NPLOC4: variants seen among roughly 807,000 people sequenced by gnomAD.
The protein encoded by NPLOC4 is nuclear protein localization protein 4 homolog.
A neutral mutation model predicts 80.6 loss-of-function variants in NPLOC4; 18 were observed. The ratio of observed to expected loss-of-function variants is 0.22; its 90% CI spans 0.15 to 0.33. The LOEUF (loss-of-function observed/expected upper bound fraction) is 0.33. Ranked by LOEUF, NPLOC4 falls within the 10% of genes least tolerant of loss-of-function variation. The probability of loss-of-function intolerance (pLI) is 1.00; values close to 1 mark genes in which losing one functional copy is unlikely to be tolerated. For synonymous variants in NPLOC4, 313 were observed against 301.5 expected, an observed-to-expected ratio of 1.04 and a Z score of -0.39; for missense variants, 540 against 786.1, an observed-to-expected ratio of 0.69 and a Z score of 3.74.
intron 13 of NPLOC4, among the ~76,000 whole-genome samples, chr17:81,569,817 A>G (rs1481193411): frequency 6.6e-6 from 1 of 152,192 alleles, no homozygotes; most frequent in African/African-American, 2.4e-5. Context: ...TGCACCTAAG[A>G]TATAATCAAT....
chr17:81,565,106 C>T (rs2033970607), intron 16 of NPLOC4: 3 of 585,808 alleles, frequency 5.1e-6, no homozygotes, highest in Non-Finnish European at 9.1e-6. Context: ...GCAGGCTTCT[C>T]CTCCTTACAG....
chr17:81,636,062 T>A (rs755982435), intron 1 of NPLOC4, among the ~76,000 whole-genome samples: 2 of 151,078 alleles, frequency 1.3e-5, no homozygotes, highest in Admixed American at 6.6e-5. Flanking sequence ...AACCTCCACC[T>A]CCCGCGTTCA....
chr17:81,560,293 G>A (rs867918585), intron 16 of NPLOC4, among the ~76,000 whole-genome samples: 4 of 152,004 alleles, frequency 2.6e-5, no homozygotes, highest in African/African-American at 7.3e-5. Context: ...GACACCTGCC[G>A]TTCCGGCTAC....
chr17:81,598,406 T>TAA (rs1030272894), intron 9 of NPLOC4, among the ~76,000 whole-genome samples: 2 of 152,040 alleles, frequency 1.3e-5, no homozygotes, highest in Admixed American at 6.5e-5. Flanking sequence ...AAAAGGCACT[T>TAA]AAACTCCCAA....
At chr17:81,616,040 C>T (rs527531355) in intron 3 of NPLOC4, among the ~76,000 whole-genome samples, 5 of 152,120 alleles carry the variant, frequency 3.3e-5, no homozygotes, top group Admixed American at 6.6e-5. Context: ...AAATCTGGGC[C>T]GGGCGTGGTG....
At chr17:81,559,565 CACAG>C in intron 16 of NPLOC4, 149 bp from the exon 17 acceptor site, 1 of 840,442 alleles carries the variant, frequency 1.2e-6, no homozygotes, top group East Asian at 2.7e-5. Flanking sequence ...GCACTCCCAC[CACAG>C]GCACACTTTG....
rs59714954 is a variant in NPLOC4 at position 81,580,140 on chromosome 17, C to A, written c.1282-8052G>T. On this transcript the variant is annotated intron_variant, in intron 12 of 16. Transcript: ENST00000331134. The surrounding 1 kb of genome is among the most constrained non-coding windows in gnomAD (Gnocchi z 4.4). ...TGGGGTTCTCCTCAGCCATCCCCTCCAGGATGGACAACTCGGCCTCTCACC... is the reference window on the plus strand; with the variant it reads ...TGGGGTTCTCCTCAGCCATCCCCTCAAGGATGGACAACTCGGCCTCTCACC... 3.6e-3 allele frequency among the ~76,000 whole-genome samples: 541 copies of A among 152,304 alleles called. 7 individuals carry two copies. The East Asian group carries it at 0.065, about 18-fold the overall frequency.
At chr17:81,601,581 T>C (rs1263166752) in intron 8 of NPLOC4, among the ~76,000 whole-genome samples, 1 of 152,296 alleles carries the variant, frequency 6.6e-6, no homozygotes, top group South Asian at 2.1e-4. Context: ...AATAGAACCG[T>C]TGAGCTCTCC....
chr17:81,604,755 G>A (rs1482551430), intron 7 of NPLOC4, 28 bp from the exon 8 acceptor site: 5 of 1,565,070 alleles, frequency 3.2e-6, no homozygotes, highest in Non-Finnish European at 4.4e-6. Flanking sequence ...GTGGGCTGAT[G>A]AAAACATGCC....
intron 3 of NPLOC4, among the ~76,000 whole-genome samples, chr17:81,620,974 G>A (rs373068966): frequency 1.6e-4 from 25 of 151,992 alleles, no homozygotes; most frequent in Non-Finnish European, 1.5e-4. Flanking sequence ...AGTGAGCTAC[G>A]ATCGCACCAC....
intron 12 of NPLOC4, among the ~76,000 whole-genome samples, chr17:81,584,204 T>A (rs924821100): frequency 6.6e-6 from 1 of 152,232 alleles, no homozygotes; most frequent in South Asian, 2.1e-4. Context: ...TTTACAGTTC[T>A]CTTTGCTCCA....
chr17:81,627,634 AAGGCTGAGGCAGAATTGCTTGAACCCGGG>A (rs916878642), intron 2 of NPLOC4, among the ~76,000 whole-genome samples: 14 of 150,892 alleles, frequency 9.3e-5, no homozygotes, highest in African/African-American at 2.9e-4. Context: ...AGCTACTCGG[AAGGCTGAGGCAGAATTGCTTGAACCCGGG>A]AGGCTGAGGC....
intron 12 of NPLOC4, among the ~76,000 whole-genome samples, chr17:81,586,607 C>CAAA (rs199678879): frequency 0.087 from 10,944 of 125,792 alleles, 508 homozygotes; most frequent in Middle Eastern, 0.18. Context: ...AAAACTGTCT[C>CAAA]AAAAAAAAAA....
chr17:81,607,688 G>C (rs7222241), intron 6 of NPLOC4, among the ~76,000 whole-genome samples: 69,163 of 151,942 alleles, frequency 0.46, 16,860 homozygotes, highest in Non-Finnish European at 0.55. Flanking sequence ...CCTAGACTGA[G>C]AAAGGCTGAC....
Position 81,637,107 on chromosome 17 carries a change from C to T in NPLOC4, c.-177G>A, listed in dbSNP as rs529425991. ...GCCGCCGACGTCCCGGTGCCTCGCT[C>T]AATACGCTCCCCTCGGGCGCGAGGC... On this transcript the variant is annotated 5_prime_UTR_variant, in exon 1 of 17. Transcript: ENST00000331134. 1.6e-5 allele frequency: 6 copies of T among 376,672 alleles called. No individual in the cohort carries two copies. The East Asian group carries it at 2.2e-4, about 14-fold the overall frequency. The allele number at this position is 376,672 out of a possible 1,614,324, so 23.3% of individuals were successfully genotyped here.
At chr17:81,617,350 A>G (rs1820569517) in intron 3 of NPLOC4, among the ~76,000 whole-genome samples, 1 of 152,150 alleles carries the variant, frequency 6.6e-6, no homozygotes, top group African/African-American at 2.4e-5. Context: ...ACAGTTCACA[A>G]CAGTGTGGAC....
chr17:81,579,579 G>C (rs1041961171), intron 12 of NPLOC4, among the ~76,000 whole-genome samples: 3 of 151,830 alleles, frequency 2.0e-5, no homozygotes, highest in Non-Finnish European at 4.4e-5. Flanking sequence ...GCATCCCATC[G>C]CTCCTGCCAG....
In NPLOC4 at chr17:81,590,131, G is replaced by A. The variant is rs150590272; in HGVS notation, c.1121-1027C>T. Reference sequence around the variant, plus strand: ...CTGTCTTCCAGAAACCTACACGGCCGCCACACAGAGTTAATGCCACCAGGC... The same window carrying A: ...CTGTCTTCCAGAAACCTACACGGCCACCACACAGAGTTAATGCCACCAGGC... On this transcript the variant is annotated intron_variant, in intron 11 of 16. Transcript: ENST00000331134. Among the ~76,000 whole-genome samples the A allele has an allele frequency of 2.1e-3, 322 of 152,292 alleles. 1 individual carries two copies. The highest frequency in any genetic ancestry group is 7.3e-3 in the African/African-American group (303 of 41,550).
Position 81,581,348 on chromosome 17 carries a change from CAAAAAAAAAA to C in NPLOC4, c.1281+7586_1281+7595del, listed in dbSNP as rs1169351301. 2.6e-3 allele frequency among the ~76,000 whole-genome samples: 22 copies of C among 8,480 alleles called. 1 individual carries two copies. The highest frequency in any genetic ancestry group is 0.024 in the South Asian group (6 of 254). The allele number at this position is 8,480 out of a possible 152,430, so 5.6% of individuals were successfully genotyped here. A position where few individuals can be genotyped will look rare whatever the true frequency, so the allele number is the denominator to read the frequency against. ...TGGGCAACACAGCCAGACTCCAACG[CAAAAAAAAAA>C]AAAAAAAAAAAAAAAAAAGTTAATA... On this transcript the variant is annotated intron_variant, in intron 12 of 16. Coordinates refer to ENST00000331134, the MANE Select transcript of NPLOC4 (RefSeq NM_017921.4).
Sources: allele counts gnomAD v4.1 joint callset (sites outside exome capture counted in the v4.1 genomes callset), GRCh38; gene constraint gnomAD v4.1.1; non-coding constraint Gnocchi (gnomAD v3.1); transcripts MANE v1.5; gene names NCBI Gene and HGNC (gene_info 2026-07-23, HGNC 2026-07-21).